MAGEB3: variants seen among roughly 807,000 people sequenced by gnomAD.
MAGEB3 encodes MAGE family member B3, also known as melanoma-associated antigen B3.
For synonymous variants in MAGEB3, 91 were observed against 93.0 expected (o/e 0.98, Z 0.12); for missense variants, 191 against 262.4 (o/e 0.73, Z 1.88).
intron 4 of MAGEB3, among the ~76,000 whole-genome samples, chrX:30,233,837 C>T (rs1924901503): frequency 9.0e-6 from 1 of 111,471 alleles, no homozygotes; most frequent in Non-Finnish European, 1.9e-5. Context: ...TGTGGTTGAC[C>T]CTGGGAGGTC....
At position 30,236,738 on chromosome X, in the gene MAGEB3, G is replaced by A. The variant is rs1232275908; in HGVS notation, c.814G>A (p.Glu272Lys). The A allele has an allele frequency of 8.2e-7, 1 of 1,212,270 alleles. No individual in the cohort carries two copies. Among genetic ancestry groups the A allele is most frequent in the East Asian group, 3.0e-5 (1 of 33,879 alleles). Reference sequence around the variant, plus strand: ...GCCCAACAGTAATCCTGCACGCTATGAATTCCTGTGGGGTCCAAGAGCCCA... The same window carrying A: ...GCCCAACAGTAATCCTGCACGCTATAAATTCCTGTGGGGTCCAAGAGCCCA... ...QVPNSNPARYEFLWGPRAHAE... is the reference protein window; with the variant it reads ...QVPNSNPARYKFLWGPRAHAE... The change falls in exon 5 of 5, where the codon GAA (glutamate) becomes AAA (lysine). Residue 272 changes from glutamate to lysine, a missense_variant. Physicochemically the swap from Glu to Lys is moderately conservative, Grantham distance 56 (BLOSUM62 1). Transcript: ENST00000361644.
chrX:30,235,934 G>A lies in MAGEB3; in HGVS notation c.10G>A (p.Gly4Ser), dbSNP rs754935662. 2.5e-6 allele frequency: 3 copies of A among 1,200,287 alleles called. No individual in the cohort carries two copies. Among genetic ancestry groups the A allele is most frequent in the Non-Finnish European group, 3.4e-6 (3 of 889,883 alleles). ...CCTGACTACAGCCATCATGCCTCGG[G>A]GTCAGAAGAGTACGCTCCATGCACG... is the stretch of plus-strand genomic sequence containing the variant. The part of the protein sequence containing the change: MPR[G>S]QKSTLHAREK... The change falls in exon 5 of 5, where the codon GGT becomes AGT. Residue 4 changes from glycine (G) to serine (S), a missense_variant. Transcript: ENST00000361644.
chrX:30,233,043 A>G (rs1279591573), intron 3 of MAGEB3, 127 bp downstream of exon 3: 1 of 107,056 alleles, frequency 9.3e-6, no homozygotes, highest in Non-Finnish European at 1.9e-5. Flanking sequence ...ACAGAGAGAG[A>G]CACTGTCTCA....
At position 30,236,824 on chromosome X, in the gene MAGEB3, C is replaced by T. The variant is rs1924994745; in HGVS notation, c.900C>T (p.Pro300=). ...GGGCCAAGGTCAATAAAACTGTCCC[C>T]AGTGCGTTCCAGTTCTGGTATGAAG... ...EFWAKVNKTV[P]SAFQFWYEEA... is the part of the protein sequence containing the mutation. Residue 300 remains proline, a synonymous_variant, in exon 5 of 5, where the codon CCC becomes CCT. Transcript: ENST00000361644. 8.3e-7 allele frequency: 1 copy of T among 1,211,804 alleles called. No individual in the cohort carries two copies. Among genetic ancestry groups the T allele is most frequent in the Non-Finnish European group, 1.1e-6 (1 of 895,528 alleles).
rs544432860 is a variant in MAGEB3, at chrX:30,231,896, A to T, written c.-254+278A>T. 7.3e-5 allele frequency among the ~76,000 whole-genome samples: 8 copies of T among 109,183 alleles called. No homozygotes were observed. In the South Asian group the frequency reaches 1.6e-3, roughly 22 times the overall value. The allele number at this position is 109,183 out of a possible 115,157, so 94.8% of individuals were successfully genotyped here. A position where few individuals can be genotyped will look rare whatever the true frequency, so the allele number is the denominator to read the frequency against. Reference sequence around the variant, plus strand: ...TTTTGGAGGTTGGCGGACTTCGCTCAGTAGAGGTGTTACTCTGCTCCGCTT... The same window carrying T: ...TTTTGGAGGTTGGCGGACTTCGCTCTGTAGAGGTGTTACTCTGCTCCGCTT... On this transcript the variant is annotated intron_variant, in intron 2 of 4. Coordinates refer to ENST00000361644, the MANE Select transcript of MAGEB3 (RefSeq NM_002365.5).
intron 2 of MAGEB3, 117 bp downstream of exon 2, chrX:30,231,735 C>T (rs1214954227): frequency 9.8e-5 from 10 of 102,536 alleles, no homozygotes; most frequent in Non-Finnish European, 2.0e-4. Context: ...TGAGGCCCAC[C>T]GGTGCTAACC....
intron 4 of MAGEB3, among the ~76,000 whole-genome samples, 170 bp downstream of exon 4, chrX:30,233,533 C>T (rs1245530159): frequency 4.8e-5 from 5 of 104,493 alleles, no homozygotes; most frequent in Admixed American, 4.1e-4. Flanking sequence ...AACCCTGTTT[C>T]AGGTCTTTGA....
intron 2 of MAGEB3, among the ~76,000 whole-genome samples, chrX:30,232,367 G>A (rs1325648771): frequency 9.1e-6 from 1 of 109,767 alleles, no homozygotes; most frequent in East Asian, 2.9e-4. Flanking sequence ...TGTAATCCCA[G>A]CACACTGGGA....
At chrX:30,233,986 T>C (rs969727177) in intron 4 of MAGEB3, among the ~76,000 whole-genome samples, 9 of 112,489 alleles carry the variant, frequency 8.0e-5, no homozygotes, top group African/African-American at 2.9e-4. Flanking sequence ...ATGGGATCTG[T>C]TCCCAGTAGG....
rs1001404124 is a variant in MAGEB3, at chrX:30,235,758, A to C, written c.-61-106A>C. On this transcript the variant is annotated intron_variant, in intron 4 of 4. Coordinates refer to ENST00000361644, the MANE Select transcript of MAGEB3 (RefSeq NM_002365.5). The stretch of plus-strand genomic sequence containing the variant: ...CAGAACAGAAGCCCTCTGGGTTTCC[A>C]GAGCAGTGCTCTCACAGAAAACTGC... 6.8e-6 allele frequency: 3 copies of C among 444,412 alleles called. No individual in the cohort carries two copies. The African/African-American group carries it at 7.4e-5, about 11-fold the overall frequency. 36.6% of individuals were successfully genotyped at this position (444,412 alleles called of 1,213,427 possible). A position where few individuals can be genotyped will look rare whatever the true frequency, so the allele number is the denominator to read the frequency against.
chrX:30,234,496 C>T (rs2147338135), intron 4 of MAGEB3, among the ~76,000 whole-genome samples: 1 of 110,313 alleles, frequency 9.1e-6, no homozygotes, highest in East Asian at 2.9e-4. Flanking sequence ...AAGGTCAGGA[C>T]CCTGAATGTG....
rs1924850821 is a variant in MAGEB3 at position 30,232,828 on chromosome X, C to G, written c.-252C>G. 1.8e-5 allele frequency: 2 copies of G among 109,422 alleles called. No individual in the cohort carries two copies. Among genetic ancestry groups the G allele is most frequent in the African/African-American group, 6.7e-5 (2 of 29,995 alleles). 9.0% of individuals were successfully genotyped at this position (109,422 alleles called of 1,213,427 possible). On this transcript the variant is annotated splice_region_variant and 5_prime_UTR_variant, in exon 3 of 5. Transcript: ENST00000361644. ...CTTTTTTTTATTTTTTATTTTAAGG[C>G]AGGGCTGTGGCTCACGCTTGTAATC...
At chrX:30,231,699 A>AAGAAAG (rs1555966353) in intron 2 of MAGEB3, 81 bp downstream of exon 2, 6 of 69,294 alleles carry the variant, frequency 8.7e-5, no homozygotes, top group Non-Finnish European at 1.4e-4. Flanking sequence ...AAAAAAAAAA[A>AAGAAAG]AAAGAAAGAA....
intron 3 of MAGEB3, 120 bp from the exon 4 acceptor site, chrX:30,233,142 T>C (rs1198982649): frequency 1.9e-5 from 2 of 107,308 alleles, no homozygotes; most frequent in Non-Finnish European, 3.9e-5. Context: ...GAGGCAGAGG[T>C]TGCAGTGAGC....
chrX:30,231,063 C>T (rs1295248519), intron 1 of MAGEB3, among the ~76,000 whole-genome samples: 1 of 109,183 alleles, frequency 9.2e-6, no homozygotes, highest in African/African-American at 3.3e-5. Flanking sequence ...CCTGTAATCC[C>T]AGCACACTGG....
chrX:30,232,643 C>T (rs1178702692), intron 2 of MAGEB3, among the ~76,000 whole-genome samples, 184 bp from the exon 3 acceptor site: 5 of 102,645 alleles, frequency 4.9e-5, no homozygotes, highest in Non-Finnish European at 8.0e-5. Flanking sequence ...CGTGGTGCGG[C>T]GCACGTGTAG....
At chrX:30,235,633 C>T (rs770476563) in intron 4 of MAGEB3, among the ~76,000 whole-genome samples, 46 of 111,747 alleles carry the variant, frequency 4.1e-4, no homozygotes, top group African/African-American at 1.4e-3. Context: ...AGACATGCCA[C>T]GGCTGCTCTC....
intron 2 of MAGEB3, 81 bp downstream of exon 2, chrX:30,231,699 A>AAAAAAG (rs762516091): frequency 1.0e-3 from 71 of 69,215 alleles, no homozygotes; most frequent in Non-Finnish European, 1.8e-3. Context: ...AAAAAAAAAA[A>AAAAAAG]AAAGAAAGAA....
chrX:30,232,421 A>G (rs1192096620), intron 2 of MAGEB3, among the ~76,000 whole-genome samples: 1 of 102,179 alleles, frequency 9.8e-6, no homozygotes, highest in Non-Finnish European at 2.0e-5. Context: ...GGAGTTCGAA[A>G]CCAGCCGGGA....
Sources: allele counts gnomAD v4.1 joint callset (sites outside exome capture counted in the v4.1 genomes callset), GRCh38; gene constraint gnomAD v4.1.1; transcripts MANE v1.5; gene names NCBI Gene and HGNC (gene_info 2026-07-23, HGNC 2026-07-21).